ERC2: variants seen among roughly 807,000 people sequenced by gnomAD.
The protein encoded by ERC2 is ERC protein 2.
ERC2 carries 42 observed loss-of-function variants against 114.8 expected under a neutral mutation model. The ratio of observed to expected loss-of-function variants is 0.37; its 90% CI spans 0.29 to 0.47. The LOEUF is 0.47. Among genes scored for constraint, ERC2 ranks in the 20% least tolerant of loss-of-function variants. ERC2 has a pLI of 0.99. For missense variants in ERC2, 939 were observed against 1,150.7 expected, an observed-to-expected ratio of 0.82 and a Z score of 2.66; for synonymous variants, 454 against 425.5, an observed-to-expected ratio of 1.07 and a Z score of -0.82.
chr3:55,516,995 C>T (rs1034634993), intron 17 of ERC2, among the ~76,000 whole-genome samples: 8 of 152,162 alleles, frequency 5.3e-5, no homozygotes, highest in African/African-American at 1.9e-4. Context: ...CATTTGAATC[C>T]AGGTCTTTTG....
intron 8 of ERC2, among the ~76,000 whole-genome samples, chr3:56,011,932 C>T (rs1486105232): frequency 6.6e-6 from 1 of 152,130 alleles, no homozygotes; most frequent in Non-Finnish European, 1.5e-5. Flanking sequence ...ACCCCACTGA[C>T]AATAATTTAT....
rs1400932225 is a variant in ERC2 at position 55,509,120 on chromosome 3, G to A, written c.*2196C>T. The stretch of plus-strand genomic sequence containing the variant: ...GGACTAAATTATACGACCTCATAAA[G>A]GTAAGATCAGTAATATTTTAACCAA... On this transcript the variant is annotated 3_prime_UTR_variant, in exon 18 of 18. Transcript: ENST00000288221. 2 of 152,578 alleles carry A rather than the reference G, an allele frequency of 1.3e-5. No individual in the cohort carries two copies. Among genetic ancestry groups the A allele is most frequent in the African/African-American group, 4.8e-5 (2 of 41,422 alleles). 9.5% of individuals were successfully genotyped at this position (152,578 alleles called of 1,614,324 possible). A position where few individuals can be genotyped will look rare whatever the true frequency, so the allele number is the denominator to read the frequency against.
At chr3:56,361,045 G>A (rs2150558447) in intron 2 of ERC2, among the ~76,000 whole-genome samples, 1 of 152,326 alleles carries the variant, frequency 6.6e-6, no homozygotes, top group South Asian at 2.1e-4. Context: ...AAGGTGGTAA[G>A]GTGGGAGATA....
At chr3:55,971,953 A>T (rs1014700472) in intron 12 of ERC2, among the ~76,000 whole-genome samples, 1 of 152,090 alleles carries the variant, frequency 6.6e-6, no homozygotes, top group East Asian at 1.9e-4. Context: ...TATCTATCAA[A>T]ATAGTTACCT....
At chr3:55,750,853 A>T (rs568556575) in intron 14 of ERC2, among the ~76,000 whole-genome samples, 1 of 152,218 alleles carries the variant, frequency 6.6e-6, no homozygotes, top group African/African-American at 2.4e-5. Context: ...ATGTAGGAAC[A>T]TTATGTGTAA....
chr3:55,763,605 T>C (rs1397241141), intron 14 of ERC2, among the ~76,000 whole-genome samples: 1 of 152,154 alleles, frequency 6.6e-6, no homozygotes, highest in Non-Finnish European at 1.5e-5. Flanking sequence ...TAGAAATGAG[T>C]ACCAAGTATA....
chr3:56,074,708 G>A (rs1001517615), intron 7 of ERC2, among the ~76,000 whole-genome samples: 11 of 152,160 alleles, frequency 7.2e-5, no homozygotes, highest in African/African-American at 2.7e-4. Flanking sequence ...TTAGGTGTGG[G>A]TACAGCAACA....
chr3:55,749,775 G>T (rs1288744100), intron 14 of ERC2, among the ~76,000 whole-genome samples: 1 of 152,148 alleles, frequency 6.6e-6, no homozygotes, highest in East Asian at 1.9e-4. Context: ...CTTCCACGCT[G>T]TGGAAGCTTT....
At chr3:56,387,971 A>G (rs1433120035) in intron 2 of ERC2, among the ~76,000 whole-genome samples, 3 of 152,216 alleles carry the variant, frequency 2.0e-5, no homozygotes, top group Non-Finnish European at 4.4e-5. Context: ...GATAATTCTC[A>G]AAGATAATTC....
chr3:55,814,438 G>C (rs1041867308), intron 14 of ERC2, among the ~76,000 whole-genome samples: 2 of 152,206 alleles, frequency 1.3e-5, no homozygotes, highest in Non-Finnish European at 2.9e-5. Context: ...CAACTCGGAA[G>C]AGTTTTTGCT....
intron 8 of ERC2, 81 bp downstream of exon 8, chr3:56,018,813 A>C: frequency 6.9e-7 from 1 of 1,452,752 alleles, no homozygotes; most frequent in Non-Finnish European, 9.4e-7. Flanking sequence ...AAAAGCAGGC[A>C]CATTTAAATG....
intron 4 of ERC2, 36 bp from the exon 5 acceptor site, chr3:56,149,168 G>A (rs911797531): frequency 6.6e-7 from 1 of 1,509,958 alleles, no homozygotes; most frequent in African/African-American, 1.4e-5. Flanking sequence ...GAAAAATAAA[G>A]AATAAAAATT....
At chr3:56,419,418 T>G (rs1008662438) in intron 2 of ERC2, among the ~76,000 whole-genome samples, 10 of 152,240 alleles carry the variant, frequency 6.6e-5, no homozygotes, top group Non-Finnish European at 1.5e-4. Context: ...TGACACCTAA[T>G]GCTATGCAAA....
In ERC2 at chr3:55,819,362, A is replaced by G. The variant is rs1240561093; in HGVS notation, c.2564+69027T>C. ...GCCACTGAATTCCATGTAAAATCAG[A>G]TAATGATGGTTTTTCGCCTTTCTGT... On this transcript the variant is annotated intron_variant, in intron 14 of 17. Transcript: ENST00000288221. Among the ~76,000 whole-genome samples, 3 of 152,192 alleles carry G rather than the reference A, an allele frequency of 2.0e-5. No individual in the cohort carries two copies. In the East Asian group the frequency reaches 5.8e-4, roughly 29 times the overall value.
intron 7 of ERC2, among the ~76,000 whole-genome samples, chr3:56,022,270 C>T (rs1158119204): frequency 6.6e-6 from 1 of 152,176 alleles, no homozygotes; most frequent in Non-Finnish European, 1.5e-5. Flanking sequence ...AAGGAATCTA[C>T]TAAAATGTTT....
At chr3:56,152,739 G>A (rs2081489843) in intron 4 of ERC2, among the ~76,000 whole-genome samples, 1 of 152,138 alleles carries the variant, frequency 6.6e-6, no homozygotes, top group African/African-American at 2.4e-5. Flanking sequence ...TCAATTGAGT[G>A]TCTCTTTTCA....
At chr3:56,387,698 A>G (rs1361168972) in intron 2 of ERC2, among the ~76,000 whole-genome samples, 1 of 152,180 alleles carries the variant, frequency 6.6e-6, no homozygotes, top group Non-Finnish European at 1.5e-5. Flanking sequence ...AGACAAGGGT[A>G]ATCAAATTCC....
chr3:56,003,115 T>C (rs2072204815), intron 10 of ERC2: 1 of 1,289,224 alleles, frequency 7.8e-7, no homozygotes, highest in Middle Eastern at 2.1e-4. Flanking sequence ...GTACATCTGA[T>C]TGAACAACTG....
At chr3:56,302,559 T>C (rs997298939) in intron 2 of ERC2, among the ~76,000 whole-genome samples, 3 of 152,202 alleles carry the variant, frequency 2.0e-5, no homozygotes, top group African/African-American at 7.2e-5. Flanking sequence ...ACCTTCTCTC[T>C]GAGTGAAAGG....
Sources: allele counts gnomAD v4.1 joint callset (sites outside exome capture counted in the v4.1 genomes callset), GRCh38; gene constraint gnomAD v4.1.1; transcripts MANE v1.5; gene names NCBI Gene and HGNC (gene_info 2026-07-23, HGNC 2026-07-21).